C12orf42: variants seen among roughly 807,000 people sequenced by gnomAD.
C12orf42 encodes chromosome 12 open reading frame 42, also known as uncharacterized protein C12orf42.
In C12orf42, 25 loss-of-function variants were observed where a neutral mutation model predicts 21.6. The observed-to-expected ratio is 1.16, with a 90% CI of 0.84 to 1.62. The LOEUF (loss-of-function observed/expected upper bound fraction) is 1.62. C12orf42 is among the 40% of genes most tolerant of loss of function. The pLI, the probability that C12orf42 is intolerant of heterozygous loss-of-function variation, is 0.00. For missense variants in C12orf42, 483 were observed against 459.3 expected (o/e 1.05, Z -0.47); for synonymous variants, 174 against 175.0 (o/e 0.99, Z 0.05).
At chr12:103,380,110 A>G (rs1187297407) in intron 3 of C12orf42, among the ~76,000 whole-genome samples, 1 of 152,210 alleles carries the variant, frequency 6.6e-6, no homozygotes, top group Non-Finnish European at 1.5e-5. Flanking sequence ...TATTATTTCT[A>G]TGGCTTGTTC....
At chr12:103,207,629 A>G in the C12orf42 span, among the ~76,000 whole-genome samples, 1 of 152,114 alleles carries the variant, frequency 6.6e-6, no homozygotes, top group Admixed American at 6.6e-5. Context: ...TGCTTTGAAA[A>G]ACTCATTGTA....
chr12:103,352,504 G>A (rs1287666996), intron 4 of C12orf42, among the ~76,000 whole-genome samples: 3 of 151,888 alleles, frequency 2.0e-5, no homozygotes, highest in Admixed American at 2.0e-4. Context: ...TTTCCTATGA[G>A]GCTTTCAATA....
the C12orf42 span, among the ~76,000 whole-genome samples, chr12:103,232,299 T>A: frequency 1.3e-5 from 2 of 152,232 alleles, no homozygotes; most frequent in Non-Finnish European, 1.5e-5. Flanking sequence ...GTAGAATTTT[T>A]TTATATTAAT....
At chr12:103,377,599 T>A (rs1185578276) in intron 3 of C12orf42, among the ~76,000 whole-genome samples, 1 of 152,022 alleles carries the variant, frequency 6.6e-6, no homozygotes, top group Non-Finnish European at 1.5e-5. Flanking sequence ...CCCCACCTCA[T>A]CCCCGAGCTG....
chr12:103,271,245 T>C (rs1422853484), intron 5 of C12orf42, among the ~76,000 whole-genome samples: 1 of 152,156 alleles, frequency 6.6e-6, no homozygotes, highest in Non-Finnish European at 1.5e-5. Flanking sequence ...TACTGTATAC[T>C]TCATGTACAA....
the C12orf42 span, among the ~76,000 whole-genome samples, chr12:103,540,123 T>A: frequency 6.6e-6 from 1 of 152,024 alleles, no homozygotes; most frequent in South Asian, 2.1e-4. Flanking sequence ...TTCTCCTGCC[T>A]CAGCCTCCTG....
At chr12:103,368,317 T>TCTCACACACA (rs1555271889) in intron 4 of C12orf42, among the ~76,000 whole-genome samples, 145 of 146,620 alleles carry the variant, frequency 9.9e-4, no homozygotes, top group Middle Eastern at 7.0e-3. Flanking sequence ...TCTCTCTCTC[T>TCTCACACACA]CACACACACA....
intron 2 of C12orf42, among the ~76,000 whole-genome samples, chr12:103,462,095 G>GTTTTTTTTTT (rs1565867930): frequency 1.3e-4 from 4 of 31,482 alleles, no homozygotes; most frequent in African/African-American, 2.1e-4. Flanking sequence ...TTTTTTGCTT[G>GTTTTTTTTTT]GTTTTTTTTT....
At chr12:103,303,207 T>C (rs1352819316) in intron 5 of C12orf42, among the ~76,000 whole-genome samples, 2 of 152,142 alleles carry the variant, frequency 1.3e-5, no homozygotes, top group East Asian at 3.8e-4. Flanking sequence ...AAAAGATGTG[T>C]TTTTTTACAA....
At chr12:103,122,018 C>T in the C12orf42 span, among the ~76,000 whole-genome samples, 1 of 152,262 alleles carries the variant, frequency 6.6e-6, no homozygotes, top group East Asian at 1.9e-4. Flanking sequence ...GTAGCCATGG[C>T]ACTATTGTTT....
At chr12:103,495,544 G>C (rs975894019) in intron 1 of C12orf42, among the ~76,000 whole-genome samples, 1 of 152,092 alleles carries the variant, frequency 6.6e-6, no homozygotes, top group Non-Finnish European at 1.5e-5. Flanking sequence ...GCCTCCGCGG[G>C]GGACCATCTG....
At chr12:103,062,340 TTC>T in the C12orf42 span, among the ~76,000 whole-genome samples, 1,492 of 151,980 alleles carry the variant, frequency 9.8e-3, 27 homozygotes, top group African/African-American at 0.034. Flanking sequence ...TGGTGATAAA[TTC>T]TCTTAGTTTT....
At chr12:103,372,848 T>C (rs775585980) in intron 3 of C12orf42, among the ~76,000 whole-genome samples, 5 of 152,224 alleles carry the variant, frequency 3.3e-5, no homozygotes, top group Admixed American at 1.3e-4. Flanking sequence ...GATTCATTGA[T>C]ACATTTTGAA....
At chr12:103,182,693 A>T in the C12orf42 span, among the ~76,000 whole-genome samples, 1 of 152,356 alleles carries the variant, frequency 6.6e-6, no homozygotes, top group East Asian at 1.9e-4. Flanking sequence ...GTAGGTTTAA[A>T]AGAAGTTGTT....
At chr12:103,549,882 C>T in the C12orf42 span, among the ~76,000 whole-genome samples, 1 of 152,138 alleles carries the variant, frequency 6.6e-6, no homozygotes, top group East Asian at 1.9e-4. Context: ...TTGCCTGTTC[C>T]TTTCTTTGTT....
intron 4 of C12orf42, among the ~76,000 whole-genome samples, chr12:103,337,878 C>T (rs1472461772): frequency 2.0e-5 from 3 of 152,064 alleles, no homozygotes; most frequent in East Asian, 1.9e-4. Flanking sequence ...TTTTTCTGTG[C>T]TCTTTTATTT....
the C12orf42 span, among the ~76,000 whole-genome samples, chr12:103,546,160 G>C: frequency 6.6e-6 from 1 of 152,276 alleles, no homozygotes; most frequent in East Asian, 1.9e-4. Context: ...GAATAGGTAG[G>C]AGTTAAACTG....
chr12:103,389,578 C>A (rs17033809), intron 3 of C12orf42, among the ~76,000 whole-genome samples: 30,901 of 152,082 alleles, frequency 0.2, 3,590 homozygotes, highest in East Asian at 0.35. Context: ...CTTGTTAACC[C>A]GTTCCATCCT....
the C12orf42 span, among the ~76,000 whole-genome samples, chr12:103,055,782 C>A: frequency 6.6e-6 from 1 of 151,900 alleles, no homozygotes; most frequent in African/African-American, 2.4e-5. Context: ...TTTTTAAATT[C>A]TTCTTGAGAC....
Sources: gnomAD v4.1 joint callset for allele counts (sites outside exome capture counted in the v4.1 genomes callset) on GRCh38, gnomAD v4.1.1 for gene constraint, MANE v1.5 for transcripts, NCBI Gene and HGNC (gene_info 2026-07-23, HGNC 2026-07-21) for gene names.